CLUL1: variants seen among roughly 807,000 people sequenced by gnomAD.
CLUL1 encodes clusterin-like protein 1.
A neutral mutation model predicts 49.4 loss-of-function variants in CLUL1; 43 were observed. The observed-to-expected ratio is 0.87, with a 90% CI of 0.68 to 1.12. CLUL1 has a LOEUF of 1.12. Ranked by LOEUF, CLUL1 falls within the 50% of genes most tolerant of loss-of-function variation. The pLI, the probability that CLUL1 is intolerant of heterozygous loss-of-function variation, is 0.00. For synonymous variants in CLUL1, 192 were observed against 184.9 expected, an observed-to-expected ratio of 1.04 and a Z score of -0.31; for missense variants, 486 against 544.4, an observed-to-expected ratio of 0.89 and a Z score of 1.07.
At chr18:641,724 A>T (rs375520793) in intron 8 of CLUL1, among the ~76,000 whole-genome samples, 183 bp downstream of exon 8, 64 of 152,332 alleles carry the variant, frequency 4.2e-4, no homozygotes, top group African/African-American at 1.5e-3. Flanking sequence ...AAAACAAGAA[A>T]GTCCATAAAG....
chr18:612,144 C>T (rs1292818842), intron 2 of CLUL1, among the ~76,000 whole-genome samples: 2 of 152,230 alleles, frequency 1.3e-5, no homozygotes, highest in African/African-American at 4.8e-5. Flanking sequence ...CTTGCTTTCC[C>T]ATAGTCCATT....
In CLUL1 at chr18:639,567, C is replaced by G. The variant is rs181989048; in HGVS notation, c.995-1760C>G. On this transcript the variant is annotated intron_variant, in intron 7 of 9. Transcript: ENST00000692774. ...ATCACTTAAGGCCAGGAGTTCGAGA[C>G]CAGCCTGGTCAGCATGGTGAAACCC... Among the ~76,000 whole-genome samples, 10 of 151,984 alleles carry G rather than the reference C, an allele frequency of 6.6e-5. No individual in the cohort carries two copies. The East Asian group carries it at 1.2e-3, about 18-fold the overall frequency.
At chr18:641,611 T>A (rs1462497082) in intron 8 of CLUL1, 70 bp downstream of exon 8, 1 of 1,297,122 alleles carries the variant, frequency 7.7e-7, no homozygotes, top group Admixed American at 1.9e-5. Flanking sequence ...TTAATTTACT[T>A]ATGAATTGTG....
intron 1 of CLUL1, among the ~76,000 whole-genome samples, chr18:598,996 T>A (rs1033921299): frequency 1.3e-5 from 2 of 152,144 alleles, no homozygotes; most frequent in African/African-American, 4.8e-5. Flanking sequence ...ATTAGAGAAA[T>A]GAGTACAATT....
At chr18:647,906 A>G (rs1339497664) in intron 9 of CLUL1, among the ~76,000 whole-genome samples, 1 of 152,224 alleles carries the variant, frequency 6.6e-6, no homozygotes, top group Non-Finnish European at 1.5e-5. Flanking sequence ...CCTACAGTCC[A>G]TGAGGGTACC....
intron 1 of CLUL1, among the ~76,000 whole-genome samples, chr18:600,053 TCTATTCTTC>T (rs2072780518): frequency 6.6e-6 from 1 of 152,194 alleles, no homozygotes; most frequent in African/African-American, 2.4e-5. Context: ...GACTGGTTTA[TCTATTCTTC>T]CTAAAAGCAA....
At chr18:620,440 A>G (rs1479925909) in intron 4 of CLUL1, among the ~76,000 whole-genome samples, 1 of 152,156 alleles carries the variant, frequency 6.6e-6, no homozygotes, top group African/African-American at 2.4e-5. Flanking sequence ...ACTAGATAAT[A>G]AAATCCATCA....
chr18:634,174 G>A (rs1368110951), intron 7 of CLUL1, among the ~76,000 whole-genome samples: 1 of 152,088 alleles, frequency 6.6e-6, no homozygotes, highest in Non-Finnish European at 1.5e-5. Flanking sequence ...TTGCTCTGTT[G>A]CCCAGGCTGG....
intron 9 of CLUL1, chr18:649,567 A>C (rs1275314446): frequency 5.1e-6 from 1 of 195,856 alleles, no homozygotes; most frequent in African/African-American, 2.3e-5. Context: ...TTTGTTGACT[A>C]ATGTAATGAG....
intron 7 of CLUL1, among the ~76,000 whole-genome samples, chr18:633,704 C>T (rs1373257007): frequency 6.6e-6 from 1 of 152,098 alleles, no homozygotes; most frequent in Non-Finnish European, 1.5e-5. Flanking sequence ...TAGGGTTAGA[C>T]CGCACAGGCT....
chr18:619,941 C>T (rs980579155), intron 4 of CLUL1, among the ~76,000 whole-genome samples: 13 of 152,000 alleles, frequency 8.6e-5, no homozygotes, highest in African/African-American at 3.1e-4. Context: ...AACTCTGGGG[C>T]TCAAGTGATC....
rs533283030 is a variant in CLUL1, at chr18:606,183, T to A, written c.-135-795T>A. ...CCTCTGGCTGGGAACGGCTTCCCCATGCTCCTAGGTCAGGGTCCTCTCTTG... is the reference window on the plus strand; with the variant it reads ...CCTCTGGCTGGGAACGGCTTCCCCAAGCTCCTAGGTCAGGGTCCTCTCTTG... On this transcript the variant is annotated intron_variant, in intron 1 of 9. Transcript: ENST00000692774. The surrounding 1 kb of genome is among the most constrained non-coding windows in gnomAD (Gnocchi z 4.1). Among the ~76,000 whole-genome samples, 187 of 152,252 alleles carry A rather than the reference T, an allele frequency of 1.2e-3. 4 individuals are homozygous for A. Among genetic ancestry groups the A allele is most frequent in the African/African-American group, 4.4e-3 (182 of 41,548 alleles).
intron 5 of CLUL1, among the ~76,000 whole-genome samples, chr18:626,660 AC>A (rs1230672472): frequency 1.3e-4 from 20 of 150,718 alleles, no homozygotes; most frequent in African/African-American, 4.9e-4. Flanking sequence ...GGAGTTCGAG[AC>A]CAGCCTGGGC....
chr18:597,283 G>A (rs551322229), intron 1 of CLUL1, among the ~76,000 whole-genome samples, 154 bp downstream of exon 1: 3 of 152,202 alleles, frequency 2.0e-5, no homozygotes, highest in African/African-American at 4.8e-5. Flanking sequence ...TTCTTGCCGG[G>A]GAAGGTAGAA....
chr18:645,733 G>A (rs1422810345), intron 9 of CLUL1, among the ~76,000 whole-genome samples: 4 of 139,776 alleles, frequency 2.9e-5, no homozygotes, highest in South Asian at 2.3e-4. Context: ...GGCAGAGCTT[G>A]CAGTGAGCAG....
rs992301069 is a variant in CLUL1, at chr18:606,494, C to T, written c.-135-484C>T. 2.7e-4 allele frequency among the ~76,000 whole-genome samples: 41 copies of T among 152,280 alleles called. No homozygotes were observed. Among genetic ancestry groups the T allele is most frequent in the Non-Finnish European group, 2.1e-4 (14 of 68,018 alleles). On this transcript the variant is annotated intron_variant, in intron 1 of 9. Coordinates refer to ENST00000692774, the MANE Select transcript of CLUL1 (RefSeq NM_001393344.1). This position sits in a 1 kb window ranked among gnomAD's most constrained non-coding sequence, Gnocchi z 4.1. ...TTCATGACATTTCTTTGCAAAGTCCCGGAACCCACAGCTCTGAGACTCTGG... is the reference window on the plus strand; with the variant it reads ...TTCATGACATTTCTTTGCAAAGTCCTGGAACCCACAGCTCTGAGACTCTGG...
intron 1 of CLUL1, among the ~76,000 whole-genome samples, chr18:603,724 A>C (rs550675816): frequency 1.3e-5 from 2 of 152,268 alleles, no homozygotes; most frequent in East Asian, 3.9e-4. Context: ...CACAATCAAG[A>C]TATTCAAGCC....
chr18:633,335 T>C lies in CLUL1; in HGVS notation c.894T>C (p.Pro298=). Reference sequence around the variant, plus strand: ...GAGGCCTGATTTCAAAGATGTTACCTGGGCAGGACAGAGGACTGTGTGGGG... The same window carrying C: ...GAGGCCTGATTTCAAAGATGTTACCCGGGCAGGACAGAGGACTGTGTGGGG... ...DHGGLISKML[P]GQDRGLCGEL... Residue 298 remains proline, a synonymous_variant, in exon 7 of 10, where the codon CCT becomes CCC. Coordinates refer to ENST00000692774, the MANE Select transcript of CLUL1 (RefSeq NM_001393344.1). The C allele has an allele frequency of 1.2e-6, 2 of 1,612,498 alleles. No individual in the cohort carries two copies. The highest frequency in any genetic ancestry group is 1.7e-6 in the Non-Finnish European group (2 of 1,179,170).
chr18:598,630 A>C lies in CLUL1; in HGVS notation c.-136+1501A>C. ...CTGGGGTTTGTGTCACAACCAAAAAAGTGGCTGTGGCACTGAGTTCTTGGA... is the reference window on the plus strand; with the variant it reads ...CTGGGGTTTGTGTCACAACCAAAAACGTGGCTGTGGCACTGAGTTCTTGGA... On this transcript the variant is annotated intron_variant, in intron 1 of 9. Coordinates refer to ENST00000692774, the MANE Select transcript of CLUL1 (RefSeq NM_001393344.1). 3 of 398,546 alleles carry C rather than the reference A, an allele frequency of 7.5e-6. No individual in the cohort carries two copies. The Admixed American group carries it at 1.3e-4, about 18-fold the overall frequency. The allele number at this position is 398,546 out of a possible 1,614,324, so 24.7% of individuals were successfully genotyped here.
Sources: allele counts gnomAD v4.1 joint callset (sites outside exome capture counted in the v4.1 genomes callset), GRCh38; gene constraint gnomAD v4.1.1; non-coding constraint Gnocchi (gnomAD v3.1); transcripts MANE v1.5; gene names NCBI Gene and HGNC (gene_info 2026-07-23, HGNC 2026-07-21).